Variants in TNS3 observed in about 807,000 individuals in gnomAD.
The protein encoded by TNS3 is tensin-3.
In TNS3, 45 loss-of-function variants were observed where a neutral mutation model predicts 140.9. That is an observed-to-expected ratio of 0.32 (90% CI 0.25 to 0.41). TNS3 has a LOEUF of 0.41. TNS3 is among the 10% of genes least tolerant of loss of function. The pLI is 1.00. For missense variants in TNS3, 1,716 were observed against 1,906.7 expected (o/e 0.90, Z 1.86); for synonymous variants, 815 against 788.4 (o/e 1.03, Z -0.56).
chr7:47,463,443 T>C (rs2151701465), intron 4 of TNS3, among the ~76,000 whole-genome samples: 1 of 152,282 alleles, frequency 6.6e-6, no homozygotes, highest in South Asian at 2.1e-4. Flanking sequence ...GACCCTAATT[T>C]AATAAATACT....
chr7:47,439,321 G>A (rs1777073229), intron 6 of TNS3, among the ~76,000 whole-genome samples, 166 bp downstream of exon 6: 1 of 152,150 alleles, frequency 6.6e-6, no homozygotes, highest in African/African-American at 2.4e-5. Context: ...TCCTCCCCAG[G>A]CGTGGCAGCA....
chr7:47,305,466 G>A (rs987393158), intron 20 of TNS3, among the ~76,000 whole-genome samples: 1 of 152,220 alleles, frequency 6.6e-6, no homozygotes, highest in Non-Finnish European at 1.5e-5. Flanking sequence ...ATAAGTGCAG[G>A]CCCTGCGGCA....
intron 8 of TNS3, among the ~76,000 whole-genome samples, chr7:47,433,894 TC>T: frequency 7.5e-6 from 1 of 133,354 alleles, no homozygotes; most frequent in East Asian, 2.0e-4. Flanking sequence ...TCTCTCTCTC[TC>T]TCTCTCTCTC....
At chr7:47,365,541 A>T (rs1206093832) in intron 17 of TNS3, among the ~76,000 whole-genome samples, 1 of 152,064 alleles carries the variant, frequency 6.6e-6, no homozygotes, top group African/African-American at 2.4e-5. Context: ...AGGGGGGCGG[A>T]TCACAAGGTC....
chr7:47,336,750 A>C lies in TNS3; in HGVS notation c.2650+8005T>G, dbSNP rs548569486. Among the ~76,000 whole-genome samples, 11 of 152,336 alleles carry C rather than the reference A, an allele frequency of 7.2e-5. No homozygotes were observed. The South Asian group carries it at 2.3e-3, about 32-fold the overall frequency. On this transcript the variant is annotated intron_variant, in intron 20 of 30. Transcript: ENST00000311160. ...ACACACCTATACTATGTACCCATAA[A>C]AATAAAAAATAGAAAATAAAAAATT...
chr7:47,326,305 G>C (rs2150881759), intron 20 of TNS3, among the ~76,000 whole-genome samples: 1 of 152,268 alleles, frequency 6.6e-6, no homozygotes, highest in Admixed American at 6.5e-5. Context: ...TGAAAAGTGA[G>C]GTTAAGAAGC....
chr7:47,555,022 G>A (rs1489008472), intron 1 of TNS3, among the ~76,000 whole-genome samples: 3 of 150,878 alleles, frequency 2.0e-5, no homozygotes, highest in South Asian at 2.1e-4. Context: ...GCGAGACTCT[G>A]TCTCAAAAAA....
At chr7:47,291,755 G>C (rs1785715741) in intron 27 of TNS3, among the ~76,000 whole-genome samples, 200 bp downstream of exon 27, 1 of 152,162 alleles carries the variant, frequency 6.6e-6, no homozygotes, top group Admixed American at 6.5e-5. Flanking sequence ...GCTTGAGTTA[G>C]ACCGGCCCAT....
chr7:47,373,101 G>C (rs1340983736), intron 16 of TNS3, among the ~76,000 whole-genome samples: 1 of 152,106 alleles, frequency 6.6e-6, no homozygotes, highest in African/African-American at 2.4e-5. Flanking sequence ...GGGGCCTCTG[G>C]AACACACCGT....
intron 21 of TNS3, among the ~76,000 whole-genome samples, chr7:47,303,869 G>C (rs564473901): frequency 9.9e-5 from 15 of 152,148 alleles, no homozygotes; most frequent in African/African-American, 3.6e-4. Context: ...CTGCTCCCTC[G>C]GCCCCTGCGC....
chr7:47,455,436 G>T (rs981231059), intron 4 of TNS3, among the ~76,000 whole-genome samples: 1 of 152,114 alleles, frequency 6.6e-6, no homozygotes, highest in Non-Finnish European at 1.5e-5. Context: ...TTAACCTGGA[G>T]TTTATCCCAC....
intron 16 of TNS3, among the ~76,000 whole-genome samples, chr7:47,388,083 C>T (rs918155413): frequency 2.6e-5 from 4 of 152,176 alleles, no homozygotes; most frequent in African/African-American, 7.2e-5. Context: ...CAGGTTTGAT[C>T]GCCTGCCATT....
At chr7:47,435,755 A>G (rs1224000450) in intron 7 of TNS3, among the ~76,000 whole-genome samples, 1 of 152,146 alleles carries the variant, frequency 6.6e-6, no homozygotes, top group Non-Finnish European at 1.5e-5. Flanking sequence ...GCTGCTGCCA[A>G]AATCTCCCCA....
At chr7:47,469,614 G>A (rs568873812) in intron 4 of TNS3, among the ~76,000 whole-genome samples, 42 of 152,272 alleles carry the variant, frequency 2.8e-4, no homozygotes, top group African/African-American at 9.4e-4. Flanking sequence ...GTTCATCACC[G>A]TGCTATTCAC....
intron 1 of TNS3, among the ~76,000 whole-genome samples, chr7:47,543,065 G>A (rs963603761): frequency 6.6e-6 from 1 of 152,172 alleles, no homozygotes; most frequent in Non-Finnish European, 1.5e-5. Context: ...GTCCAAAGGT[G>A]GGAACACTGG....
At chr7:47,552,609 G>C (rs1190794529) in intron 1 of TNS3, among the ~76,000 whole-genome samples, 1 of 152,020 alleles carries the variant, frequency 6.6e-6, no homozygotes, top group Non-Finnish European at 1.5e-5. Context: ...AATTGTTTTG[G>C]GGTGCCATGA....
chr7:47,429,535 T>A (rs1043152924), intron 8 of TNS3, among the ~76,000 whole-genome samples: 15 of 152,022 alleles, frequency 9.9e-5, no homozygotes, highest in African/African-American at 3.1e-4. Flanking sequence ...ACCCAGCTAA[T>A]TTTTTGTATT....
At chr7:47,345,746 T>C (rs1340947471) in intron 18 of TNS3, among the ~76,000 whole-genome samples, 1 of 152,166 alleles carries the variant, frequency 6.6e-6, no homozygotes, top group African/African-American at 2.4e-5. Flanking sequence ...GGACCCTGTG[T>C]GAGTGTGATG....
chr7:47,482,870 A>T (rs1403341554), intron 3 of TNS3, among the ~76,000 whole-genome samples: 2 of 152,238 alleles, frequency 1.3e-5, no homozygotes, highest in African/African-American at 4.8e-5. Context: ...ATTCTGGAAA[A>T]GGCAAAACTA....
Sources: allele counts gnomAD v4.1 joint callset (sites outside exome capture counted in the v4.1 genomes callset), GRCh38; gene constraint gnomAD v4.1.1; transcripts MANE v1.5; gene names NCBI Gene and HGNC (gene_info 2026-07-23, HGNC 2026-07-21).